The following PIEZO2 variants were observed in gnomAD, a reference collection of about 807,000 sequenced individuals.
PIEZO2 encodes piezo type mechanosensitive ion channel component 2.
Under a neutral mutation model 337.3 loss-of-function variants are expected in PIEZO2, and 172 were observed. The observed-to-expected ratio is 0.51, with a 90% CI of 0.45 to 0.58. The LOEUF is 0.58. Ranked by LOEUF, PIEZO2 falls within the 20% of genes least tolerant of loss-of-function variation. The probability of loss-of-function intolerance (pLI) is 0.00; values close to 1 mark genes in which losing one functional copy is unlikely to be tolerated. For missense variants in PIEZO2, 3,028 were observed against 3,391.3 expected (o/e 0.89, Z 2.66); for synonymous variants, 1,251 against 1,228.5 (o/e 1.02, Z -0.38).
intron 23 of PIEZO2, 127 bp downstream of exon 23, chr18:10,762,373 T>C: frequency 8.3e-7 from 1 of 1,200,386 alleles, no homozygotes; most frequent in Non-Finnish European, 1.1e-6. Flanking sequence ...GTTGCAAAGG[T>C]GATGCCAAAT....
rs1251206277 is a variant in PIEZO2 at position 10,830,312 on chromosome 18, AG to A, written c.918-23039del. Among the ~76,000 whole-genome samples, 1 of 152,248 alleles carries A rather than the reference AG, an allele frequency of 6.6e-6. No individual in the cohort carries two copies. Among genetic ancestry groups the A allele is most frequent in the African/African-American group, 2.4e-5 (1 of 41,468 alleles). ...AAATCAAAATGAATTAAAGACTTAA[AG>A]ACCTCAAACTGTGAAACTACTGCAA... On this transcript the variant is annotated intron_variant, in intron 7 of 55. Transcript: ENST00000674853. This position sits in a 1 kb window ranked among gnomAD's most constrained non-coding sequence, Gnocchi z 4.7.
At chr18:10,947,107 C>G (rs540806652) in intron 3 of PIEZO2, among the ~76,000 whole-genome samples, 2 of 149,884 alleles carry the variant, frequency 1.3e-5, no homozygotes, top group African/African-American at 4.9e-5. Flanking sequence ...AATAGTAAAA[C>G]TGAGAGAGAT....
intron 4 of PIEZO2, among the ~76,000 whole-genome samples, chr18:10,898,985 C>T (rs543547642): frequency 8.5e-5 from 13 of 152,222 alleles, no homozygotes; most frequent in South Asian, 6.2e-4. Flanking sequence ...AATCAACTGA[C>T]GCCAAGAAAG....
rs1555719383 is a variant in PIEZO2 at position 11,127,803 on chromosome 18, A to ATGAGTGTGTGTG, written c.64+20721_64+20722insCACACACACTCA. On this transcript the variant is annotated intron_variant, in intron 1 of 55. Coordinates refer to ENST00000674853, the MANE Select transcript of PIEZO2 (RefSeq NM_001378183.1). The surrounding 1 kb of genome is among the most constrained non-coding windows in gnomAD (Gnocchi z 4.5). ...TGCATATACGTGTGTGTGTGTGTGC[A>ATGAGTGTGTGTG]TGTGTGTGTGTGTGTGTGTGTGTAT... 6.8e-6 allele frequency among the ~76,000 whole-genome samples: 1 copy of ATGAGTGTGTGTG among 146,756 alleles called. No individual in the cohort carries two copies. The highest frequency in any genetic ancestry group is 2.5e-5 in the African/African-American group (1 of 39,482).
intron 2 of PIEZO2, among the ~76,000 whole-genome samples, chr18:11,063,121 G>A (rs2038027342): frequency 6.6e-6 from 1 of 152,028 alleles, no homozygotes. Flanking sequence ...ATGAGTTCAT[G>A]TCCTTTGTAG....
intron 8 of PIEZO2, 57 bp from the exon 9 acceptor site, chr18:10,804,051 G>C: frequency 6.6e-7 from 1 of 1,522,218 alleles, no homozygotes; most frequent in South Asian, 1.2e-5. Context: ...TAGACAGCCT[G>C]GGTGGCCAAG....
intron 35 of PIEZO2, 80 bp from the exon 36 acceptor site, chr18:10,731,601 T>C: frequency 1.1e-6 from 1 of 871,440 alleles, no homozygotes; most frequent in South Asian, 2.4e-5. Context: ...TTCCTGACTT[T>C]TGAAATATTT....
At chr18:11,103,786 CGTGTGT>C (rs71364107) in intron 1 of PIEZO2, among the ~76,000 whole-genome samples, 101 of 148,384 alleles carry the variant, frequency 6.8e-4, no homozygotes, top group Middle Eastern at 3.4e-3. Context: ...AGATGCTGGT[CGTGTGT>C]GTGTGTGTGT....
At position 11,148,480 on chromosome 18, in the gene PIEZO2, C is replaced by T; in HGVS notation, c.64+45G>A. ...TTAAGAAGTCCCCCACCCAGGCGCC[C>T]CCCTCGTCCTCCTCAAGTGCCCTCG... On this transcript the variant is annotated intron_variant, in intron 1 of 55. Coordinates refer to ENST00000674853, the MANE Select transcript of PIEZO2 (RefSeq NM_001378183.1). This position sits in a 1 kb window ranked among gnomAD's most constrained non-coding sequence, Gnocchi z 5.2. 1 of 1,531,990 alleles carries T rather than the reference C, an allele frequency of 6.5e-7. No individual in the cohort carries two copies. The highest frequency in any genetic ancestry group is 8.8e-7 in the Non-Finnish European group (1 of 1,142,308). 94.9% of individuals were successfully genotyped at this position (1,531,990 alleles called of 1,614,324 possible). A position where few individuals can be genotyped will look rare whatever the true frequency, so the allele number is the denominator to read the frequency against.
Position 10,877,786 on chromosome 18 carries a change from C to A in PIEZO2, c.330-6371G>T, listed in dbSNP as rs552161901. On this transcript the variant is annotated intron_variant, in intron 4 of 55. Transcript: ENST00000674853. The surrounding 1 kb of genome is among the most constrained non-coding windows in gnomAD (Gnocchi z 5.3). Reference sequence around the variant, plus strand: ...AGCAGCATAAAGCTGATCATGTCAACCCCACGGCCCCCAGGAAACATCCAC... The same window carrying A: ...AGCAGCATAAAGCTGATCATGTCAAACCCACGGCCCCCAGGAAACATCCAC... Among the ~76,000 whole-genome samples, 40 of 152,274 alleles carry A rather than the reference C, an allele frequency of 2.6e-4. No individual in the cohort carries two copies. The highest frequency in any genetic ancestry group is 9.2e-4 in the Admixed American group (14 of 15,300).
intron 47 of PIEZO2, among the ~76,000 whole-genome samples, chr18:10,693,001 A>G (rs770432709): frequency 9.2e-5 from 14 of 152,130 alleles, no homozygotes; most frequent in Non-Finnish European, 1.8e-4. Flanking sequence ...AAGTATTTTG[A>G]TGCATGAATT....
At chr18:11,053,767 A>G (rs2037616124) in intron 2 of PIEZO2, among the ~76,000 whole-genome samples, 1 of 152,210 alleles carries the variant, frequency 6.6e-6, no homozygotes, top group Non-Finnish European at 1.5e-5. Flanking sequence ...GCAGTGGCTC[A>G]TGCCTGTAAT....
chr18:10,786,139 C>T (rs2039214945), intron 16 of PIEZO2, among the ~76,000 whole-genome samples: 1 of 152,218 alleles, frequency 6.6e-6, no homozygotes, highest in African/African-American at 2.4e-5. Context: ...AGCTCCTCAG[C>T]AAAGCCCGTG....
At chr18:10,729,613 G>C (rs1282538381) in intron 36 of PIEZO2, among the ~76,000 whole-genome samples, 3 of 114,262 alleles carry the variant, frequency 2.6e-5, no homozygotes, top group African/African-American at 1.1e-4. Flanking sequence ...GACACAGCGA[G>C]ACTCTGTCTC....
At chr18:10,720,303 CTCTG>C (rs1424626038) in intron 36 of PIEZO2, among the ~76,000 whole-genome samples, 24 of 122,562 alleles carry the variant, frequency 2.0e-4, no homozygotes, top group African/African-American at 8.7e-4. Flanking sequence ...TATTCTCTCT[CTCTG>C]TGTGTATATA....
At chr18:10,958,369 G>C (rs560076491) in intron 3 of PIEZO2, among the ~76,000 whole-genome samples, 2 of 152,176 alleles carry the variant, frequency 1.3e-5, no homozygotes, top group Admixed American at 1.3e-4. Context: ...GTTGAGGAGA[G>C]GGTAAAGGGA....
At chr18:10,880,506 A>G (rs554295586) in intron 4 of PIEZO2, among the ~76,000 whole-genome samples, 3 of 152,276 alleles carry the variant, frequency 2.0e-5, no homozygotes, top group African/African-American at 7.2e-5. Context: ...CATCCAGGTG[A>G]GAGGACCATC....
At chr18:11,117,057 C>G (rs1023829824) in intron 1 of PIEZO2, among the ~76,000 whole-genome samples, 1 of 151,988 alleles carries the variant, frequency 6.6e-6, no homozygotes, top group African/African-American at 2.4e-5. Flanking sequence ...TGCAGTGAGC[C>G]GAGACTCCAC....
In PIEZO2 at chr18:10,783,244, AT is replaced by A. The variant is rs1178828587; in HGVS notation, c.2492+1539del. Among the ~76,000 whole-genome samples the A allele has an allele frequency of 1.3e-5, 2 of 152,236 alleles. No homozygotes were observed. The highest frequency in any genetic ancestry group is 2.4e-5 in the African/African-American group (1 of 41,464). Reference sequence around the variant, plus strand: ...CTGCTAACTAAAATACTTTGTAATTATTGAATAGGGCCCTTGAAAAGAATGG... The same window carrying A: ...CTGCTAACTAAAATACTTTGTAATTATGAATAGGGCCCTTGAAAAGAATGG... On this transcript the variant is annotated intron_variant, in intron 17 of 55. Coordinates refer to ENST00000674853, the MANE Select transcript of PIEZO2 (RefSeq NM_001378183.1). This position sits in a 1 kb window ranked among gnomAD's most constrained non-coding sequence, Gnocchi z 4.3.
Sources: gnomAD v4.1 joint callset for allele counts (sites outside exome capture counted in the v4.1 genomes callset) on GRCh38, gnomAD v4.1.1 for gene constraint, Gnocchi (gnomAD v3.1) non-coding constraint, MANE v1.5 for transcripts, NCBI Gene and HGNC (gene_info 2026-07-23, HGNC 2026-07-21) for gene names.